The following CCDC138 variants were observed in gnomAD, a reference collection of about 807,000 sequenced individuals.
CCDC138 encodes the protein coiled-coil domain containing 138, also known as coiled-coil domain-containing protein 138.
In CCDC138, 66 loss-of-function variants were observed where a neutral mutation model predicts 82.3. The observed-to-expected ratio is 0.80, with a 90% CI of 0.66 to 0.98. CCDC138 has a LOEUF of 0.98. Among genes scored for constraint, CCDC138 ranks in the 50% least tolerant of loss-of-function variants. The pLI is 0.00. For synonymous variants in CCDC138, 297 were observed against 265.4 expected, an observed-to-expected ratio of 1.12 and a Z score of -1.16; for missense variants, 816 against 758.9, an observed-to-expected ratio of 1.08 and a Z score of -0.88.
intron 2 of CCDC138, chr2:108,882,865 T>G (rs574576529): frequency 6.6e-6 from 1 of 151,946 alleles, no homozygotes; most frequent in Non-Finnish European, 1.5e-5. Context: ...TGGAAGGGTG[T>G]GAGGTAGGGA....
At chr2:108,831,353 A>G (rs1299610641) in intron 10 of CCDC138, among the ~76,000 whole-genome samples, 1 of 152,214 alleles carries the variant, frequency 6.6e-6, no homozygotes, top group African/African-American at 2.4e-5. Flanking sequence ...AATGAGGACC[A>G]TTGTTACTTT....
chr2:108,851,423 T>A (rs1009335277), intron 12 of CCDC138, among the ~76,000 whole-genome samples: 2 of 152,136 alleles, frequency 1.3e-5, no homozygotes, highest in African/African-American at 4.8e-5. Flanking sequence ...TGCCTCAGCC[T>A]CCCGAGTAGC....
intron 10 of CCDC138, among the ~76,000 whole-genome samples, chr2:108,832,241 G>T (rs1558694418): frequency 1.3e-5 from 2 of 151,562 alleles, no homozygotes; most frequent in African/African-American, 2.4e-5. Flanking sequence ...TGGCCTGGCT[G>T]GTCTCAAACT....
intron 6 of CCDC138, 61 bp downstream of exon 6, chr2:108,798,647 A>G: frequency 2.3e-6 from 3 of 1,318,098 alleles, no homozygotes; most frequent in Non-Finnish European, 3.2e-6. Flanking sequence ...TAGATTCACT[A>G]GTTACTAACA....
chr2:108,798,421 GATACAGTGT>G lies in CCDC138; in HGVS notation c.577-6_579del. The G allele has an allele frequency of 6.2e-7, 1 of 1,602,976 alleles. No homozygotes were observed. The highest frequency in any genetic ancestry group is 1.3e-5 in the African/African-American group (1 of 74,252). ...CAAGAGCATTAAAGTCTGGCATTTT[GATACAGTGT>G]GAAACTGCAGCACAACAGAAATTTG... On this transcript the variant is annotated splice_acceptor_variant and splice_polypyrimidine_tract_variant and coding_sequence_variant and intron_variant, in exon 6 of 15. Coordinates refer to ENST00000295124, the MANE Select transcript of CCDC138 (RefSeq NM_144978.3). LOFTEE classifies it high-confidence loss of function.
chr2:108,853,923 T>C (rs1411368738), intron 12 of CCDC138, among the ~76,000 whole-genome samples: 2 of 122,556 alleles, frequency 1.6e-5, no homozygotes, highest in Non-Finnish European at 1.6e-5. Context: ...AGTATATATA[T>C]TATATATAAT....
intron 10 of CCDC138, among the ~76,000 whole-genome samples, chr2:108,830,573 G>A (rs1047118477): frequency 6.6e-6 from 1 of 150,828 alleles, no homozygotes; most frequent in African/African-American, 2.5e-5. Context: ...TTGGGAGGCC[G>A]AGGCGGGCAG....
intron 12 of CCDC138, 39 bp downstream of exon 12, chr2:108,846,969 C>T (rs1690607160): frequency 8.9e-7 from 1 of 1,121,940 alleles, no homozygotes; most frequent in African/African-American, 1.6e-5. Context: ...TTTTGAGAAA[C>T]AATAGAGAAT....
chr2:108,830,698 C>CT (rs1486705530), intron 10 of CCDC138, among the ~76,000 whole-genome samples: 1 of 152,016 alleles, frequency 6.6e-6, no homozygotes, highest in African/African-American at 2.4e-5. Context: ...ATCCCAGCTA[C>CT]TTGGGAGGCT....
chr2:108,808,527 C>G (rs1683238081), intron 7 of CCDC138, among the ~76,000 whole-genome samples: 2 of 152,096 alleles, frequency 1.3e-5, no homozygotes, highest in Admixed American at 6.6e-5. Context: ...ACGTTTATTA[C>G]TTTTTGTCTT....
rs1457125603 is a variant in CCDC138, at chr2:108,835,017, T to G, written c.1207-4168T>G. Among the ~76,000 whole-genome samples, 22 of 152,244 alleles carry G rather than the reference T, an allele frequency of 1.4e-4. 1 individual carries two copies. The highest frequency in any genetic ancestry group is 1.4e-3 in the Admixed American group (21 of 15,282). ...ATGGATCTTGAAATAAGCAGATTGT[T>G]TTGCACTTGCATTGAGATTCAAATA... On this transcript the variant is annotated intron_variant, in intron 10 of 14. Transcript: ENST00000295124.
intron 10 of CCDC138, among the ~76,000 whole-genome samples, chr2:108,822,908 G>T (rs1027232653): frequency 6.6e-6 from 1 of 152,122 alleles, no homozygotes; most frequent in Admixed American, 6.5e-5. Flanking sequence ...CAAACCGCTA[G>T]CTAGATGAAG....
intron 12 of CCDC138, among the ~76,000 whole-genome samples, chr2:108,851,813 A>T (rs1691558103): frequency 6.6e-6 from 1 of 152,154 alleles, no homozygotes; most frequent in African/African-American, 2.4e-5. Flanking sequence ...AACAAAGACT[A>T]ATGAGACGAA....
At chr2:108,877,187 G>C (rs980186363), downstream of CCDC138, among the ~76,000 whole-genome samples, 3 of 152,120 alleles carry the variant, frequency 2.0e-5, no homozygotes, top group Non-Finnish European at 2.9e-5. Context: ...AATGCAGAAG[G>C]CCAGGCGCGG....
intron 11 of CCDC138, among the ~76,000 whole-genome samples, chr2:108,844,712 T>C (rs1690138928): frequency 6.6e-6 from 1 of 152,090 alleles, no homozygotes; most frequent in Non-Finnish European, 1.5e-5. Context: ...TGGAGTTTTT[T>C]CTCTTTTCCT....
At chr2:108,798,361 C>T in intron 5 of CCDC138, 67 bp from the exon 6 acceptor site, 2 of 1,546,024 alleles carry the variant, frequency 1.3e-6, no homozygotes, top group Non-Finnish European at 1.7e-6. Context: ...CAGTGTCAGC[C>T]AATAGGAATA....
At chr2:108,806,745 T>C (rs1385121641) in intron 7 of CCDC138, among the ~76,000 whole-genome samples, 1 of 152,252 alleles carries the variant, frequency 6.6e-6, no homozygotes, top group Admixed American at 6.5e-5. Context: ...AAGAAAAAGA[T>C]ATGTTATTTC....
At chr2:108,830,018 G>A (rs552171685) in intron 10 of CCDC138, among the ~76,000 whole-genome samples, 5 of 152,104 alleles carry the variant, frequency 3.3e-5, no homozygotes, top group African/African-American at 7.2e-5. Flanking sequence ...TGGACACAAG[G>A]TAAATGCTCA....
chr2:108,796,611 A>ATC (rs1680949700), intron 5 of CCDC138, among the ~76,000 whole-genome samples: 1 of 152,250 alleles, frequency 6.6e-6, no homozygotes, highest in Non-Finnish European at 1.5e-5. Flanking sequence ...AAAATGTGGT[A>ATC]TCTATACACA....
Sources: gnomAD v4.1 joint callset for allele counts (sites outside exome capture counted in the v4.1 genomes callset) on GRCh38, gnomAD v4.1.1 for gene constraint, MANE v1.5 for transcripts, NCBI Gene and HGNC (gene_info 2026-07-23, HGNC 2026-07-21) for gene names.